FIG4: variants seen among roughly 807,000 people sequenced by gnomAD.
The protein encoded by FIG4 is polyphosphoinositide phosphatase.
FIG4 carries 112 observed loss-of-function variants against 118.6 expected under a neutral mutation model. That is an observed-to-expected ratio of 0.94 (90% CI 0.81 to 1.11). FIG4 has a LOEUF of 1.11. FIG4 is among the 50% of genes least tolerant of loss of function. The probability of loss-of-function intolerance (pLI) is 0.00; values close to 1 mark genes in which losing one functional copy is unlikely to be tolerated. For synonymous variants in FIG4, 369 were observed against 381.2 expected (o/e 0.97, Z 0.37); for missense variants, 969 against 1,111.7 (o/e 0.87, Z 1.83).
At chr6:109,722,936 T>C (rs1775653762) in intron 3 of FIG4, among the ~76,000 whole-genome samples, 1 of 152,036 alleles carries the variant, frequency 6.6e-6, no homozygotes, top group African/African-American at 2.4e-5. Context: ...GACTGGGAGC[T>C]GGAGAGAGAG....
intron 1 of FIG4, among the ~76,000 whole-genome samples, chr6:109,713,732 G>T (rs1365536548): frequency 6.6e-6 from 1 of 152,150 alleles, no homozygotes; most frequent in Non-Finnish European, 1.5e-5. Context: ...GGAAGCTGCA[G>T]TGGAGGGAGG....
At position 109,765,124 on chromosome 6, in the gene FIG4, G is replaced by GAC; in HGVS notation, c.1548_1549dup (p.Lys517ThrfsTer39). ...TCAGCTGTATTCACTGGGACTGATT[G>GAC]ACAAACCTAATCTACAGTTTGATAC... On this transcript the variant is annotated frameshift_variant, in exon 14 of 23. Transcript: ENST00000230124. LOFTEE classifies it high-confidence loss of function. 6.2e-7 allele frequency: 1 copy of GAC among 1,614,064 alleles called. No homozygotes were observed. The highest frequency in any genetic ancestry group is 1.1e-5 in the South Asian group (1 of 91,078).
chr6:109,795,811 C>T (rs1160886048), intron 21 of FIG4, among the ~76,000 whole-genome samples: 1 of 151,920 alleles, frequency 6.6e-6, no homozygotes, highest in Non-Finnish European at 1.5e-5. Context: ...CCGTGTTAGC[C>T]AGGATGGTCT....
intron 22 of FIG4, among the ~76,000 whole-genome samples, chr6:109,799,320 C>T (rs957045926): frequency 2.0e-5 from 3 of 152,214 alleles, no homozygotes; most frequent in African/African-American, 4.8e-5. Flanking sequence ...CTCAGCATTA[C>T]ATTGTCATGG....
chr6:109,787,676 A>C (rs1020950782), intron 18 of FIG4, among the ~76,000 whole-genome samples: 1 of 152,176 alleles, frequency 6.6e-6, no homozygotes, highest in African/African-American at 2.4e-5. Context: ...CCAAGAACCT[A>C]TCAATGACAT....
At chr6:109,725,235 C>G (rs1217533199) in intron 3 of FIG4, among the ~76,000 whole-genome samples, 1 of 152,020 alleles carries the variant, frequency 6.6e-6, no homozygotes, top group Non-Finnish European at 1.5e-5. Flanking sequence ...GGTATTTGTC[C>G]TAATGCTCTT....
intron 6 of FIG4, among the ~76,000 whole-genome samples, chr6:109,737,838 G>A (rs142779827): frequency 7.2e-5 from 11 of 152,018 alleles, no homozygotes; most frequent in Admixed American, 2.6e-4. Flanking sequence ...AATTCATTTC[G>A]TCCTTAAAAC....
chr6:109,760,185 A>G, intron 10 of FIG4, 65 bp from the exon 11 acceptor site: 2 of 1,407,966 alleles, frequency 1.4e-6, no homozygotes. Context: ...AAAAGTAAAC[A>G]TGTTGAGCCT....
At chr6:109,726,231 AGGTTTTATATTTAAGTCTTT>A (rs1775809702) in intron 3 of FIG4, among the ~76,000 whole-genome samples, 1 of 152,078 alleles carries the variant, frequency 6.6e-6, no homozygotes, top group Non-Finnish European at 1.5e-5. Flanking sequence ...TTATGGTTTT[AGGTTTTATATTTAAGTCTTT>A]AATCCATCTT....
At chr6:109,714,971 AG>A in intron 1 of FIG4, 106 bp from the exon 2 acceptor site, 1 of 637,062 alleles carries the variant, frequency 1.6e-6, no homozygotes, top group South Asian at 1.9e-5. Flanking sequence ...TTCTTTAAAA[AG>A]TAACCTGACT....
chr6:109,694,532 G>T (rs1258062061), intron 1 of FIG4, among the ~76,000 whole-genome samples: 2 of 152,190 alleles, frequency 1.3e-5, no homozygotes, highest in Non-Finnish European at 2.9e-5. Context: ...TCTAGGCAAA[G>T]ATTTTATGAG....
At chr6:109,752,908 C>T (rs1374561689) in intron 10 of FIG4, among the ~76,000 whole-genome samples, 1 of 152,142 alleles carries the variant, frequency 6.6e-6, no homozygotes, top group Non-Finnish European at 1.5e-5. Flanking sequence ...ACATGAAGTC[C>T]TTGCCCATGC....
At chr6:109,791,618 A>G (rs1382521553) in intron 20 of FIG4, 47 bp downstream of exon 20, 53 of 1,563,210 alleles carry the variant, frequency 3.4e-5, no homozygotes, top group Non-Finnish European at 4.6e-5. Context: ...GCCCTGGAAA[A>G]TGATCTTTAC....
chr6:109,763,834 G>C, intron 12 of FIG4, 103 bp from the exon 13 acceptor site: 2 of 815,660 alleles, frequency 2.5e-6, no homozygotes, highest in Admixed American at 2.0e-5. Flanking sequence ...GGAGCCTTCA[G>C]CTCTATTACT....
chr6:109,720,859 T>A (rs1410316917), intron 3 of FIG4, among the ~76,000 whole-genome samples: 1 of 152,220 alleles, frequency 6.6e-6, no homozygotes, highest in Non-Finnish European at 1.5e-5. Context: ...CAATTCCTGA[T>A]CTGTTCCTTT....
At chr6:109,806,479 A>C (rs1778567391) in intron 22 of FIG4, among the ~76,000 whole-genome samples, 1 of 151,904 alleles carries the variant, frequency 6.6e-6, no homozygotes, top group Admixed American at 6.6e-5. Flanking sequence ...GTGTGCACAC[A>C]CGAGTGTGTG....
intron 10 of FIG4, among the ~76,000 whole-genome samples, chr6:109,757,820 TAGAC>T (rs1214698704): frequency 6.6e-6 from 1 of 151,908 alleles, no homozygotes; most frequent in Admixed American, 6.6e-5. Context: ...ACACCAATAA[TAGAC>T]AGAGAGTCAA....
At chr6:109,761,279 C>T (rs189495113) in intron 11 of FIG4, among the ~76,000 whole-genome samples, 97 of 152,232 alleles carry the variant, frequency 6.4e-4, no homozygotes, top group African/African-American at 2.1e-3. Flanking sequence ...CAGACTCTGC[C>T]GCCCGGGTTC....
intron 18 of FIG4, 66 bp from the exon 19 acceptor site, chr6:109,789,528 G>A: frequency 1.7e-6 from 2 of 1,148,092 alleles, no homozygotes; most frequent in Non-Finnish European, 2.6e-6. Flanking sequence ...TGTGAACTGA[G>A]ATGGAAGCCA....
Sources: gnomAD v4.1 joint callset for allele counts (sites outside exome capture counted in the v4.1 genomes callset) on GRCh38, gnomAD v4.1.1 for gene constraint, MANE v1.5 for transcripts, NCBI Gene and HGNC (gene_info 2026-07-23, HGNC 2026-07-21) for gene names.